Variants in DOK5 observed in about 807,000 individuals in gnomAD.
DOK5 encodes docking protein 5, also known as downstream of tyrosine kinase 5.
DOK5 carries 27 observed loss-of-function variants against 43.3 expected under a neutral mutation model. That is an observed-to-expected ratio of 0.62 (90% CI 0.46 to 0.86). DOK5 has a LOEUF of 0.86. DOK5 is among the 40% of genes least tolerant of loss of function. The pLI is 0.00. For missense variants in DOK5, 373 were observed against 392.9 expected, an observed-to-expected ratio of 0.95 and a Z score of 0.43; for synonymous variants, 146 against 140.1, an observed-to-expected ratio of 1.04 and a Z score of -0.30.
chr20:54,549,194 A>G (rs1455179912), intron 1 of DOK5, among the ~76,000 whole-genome samples: 1 of 152,178 alleles, frequency 6.6e-6, no homozygotes, highest in Non-Finnish European at 1.5e-5. Flanking sequence ...ACCTGAAAAC[A>G]TGGTAAAGAG....
At position 54,573,856 on chromosome 20, in the gene DOK5, A is replaced by T. The variant is rs1985372653; in HGVS notation, c.175-14627A>T. ...AAAGAGCTGCCCACTAGATAAGCAG[A>T]ACTTCAGTGTGCAGCTTTAATTCTT... On this transcript the variant is annotated intron_variant, in intron 2 of 7. Coordinates refer to ENST00000262593, the MANE Select transcript of DOK5 (RefSeq NM_018431.5). Among the ~76,000 whole-genome samples the T allele has an allele frequency of 2.6e-5, 4 of 152,160 alleles. No homozygotes were observed. In the South Asian group the frequency reaches 8.3e-4, roughly 32 times the overall value.
At chr20:54,550,090 A>AT (rs1984473405) in intron 1 of DOK5, among the ~76,000 whole-genome samples, 2 of 148,130 alleles carry the variant, frequency 1.4e-5, no homozygotes, top group East Asian at 4.2e-4. Flanking sequence ...CCTGAAAAGG[A>AT]TTTTGTGCTT....
At chr20:54,582,512 A>C (rs1985675750) in intron 2 of DOK5, among the ~76,000 whole-genome samples, 1 of 151,386 alleles carries the variant, frequency 6.6e-6, no homozygotes, top group South Asian at 2.1e-4. Context: ...CCATCTGATC[A>C]TGTGTATTTC....
chr20:54,646,248 G>GTTTTTTTTTTATTTTTTTT (rs1979416208), intron 7 of DOK5, among the ~76,000 whole-genome samples: 1 of 79,922 alleles, frequency 1.3e-5, no homozygotes, highest in African/African-American at 5.3e-5. Context: ...TGGTTATACT[G>GTTTTTTTTTTATTTTTTTT]TTTTTTTTTT....
At chr20:54,563,664 G>GT (rs76886127) in intron 2 of DOK5, among the ~76,000 whole-genome samples, 8,105 of 114,286 alleles carry the variant, frequency 0.071, 297 homozygotes, top group East Asian at 0.14. Context: ...TATTTGTCAG[G>GT]TTTTTTTTTT....
At chr20:54,490,810 G>A (rs936421302) in intron 1 of DOK5, among the ~76,000 whole-genome samples, 13 of 152,126 alleles carry the variant, frequency 8.5e-5, no homozygotes, top group Admixed American at 7.9e-4. Context: ...AGATGGTCTC[G>A]ATCTCTTGAC....
intron 1 of DOK5, among the ~76,000 whole-genome samples, chr20:54,527,809 G>A (rs1983629712): frequency 6.6e-6 from 1 of 152,228 alleles, no homozygotes; most frequent in South Asian, 2.1e-4. Flanking sequence ...TAGGGCTATG[G>A]ATATTAAGTG....
chr20:54,534,248 G>A (rs908735493), intron 1 of DOK5, among the ~76,000 whole-genome samples: 2 of 152,130 alleles, frequency 1.3e-5, no homozygotes, highest in Non-Finnish European at 2.9e-5. Context: ...GTGCAGTGGT[G>A]CAATCATGGC....
In DOK5 at chr20:54,551,973, A is replaced by G. The variant is rs1482758911; in HGVS notation, c.67-2960A>G. 3.3e-5 allele frequency among the ~76,000 whole-genome samples: 5 copies of G among 152,206 alleles called. No homozygotes were observed. In the East Asian group the frequency reaches 9.7e-4, roughly 29 times the overall value. Reference sequence around the variant, plus strand: ...CTCCAGAGTAGCTGGGACTACAGGCATGTGCCACCACTCCCAGCTAATTTT... The same window carrying G: ...CTCCAGAGTAGCTGGGACTACAGGCGTGTGCCACCACTCCCAGCTAATTTT... On this transcript the variant is annotated intron_variant, in intron 1 of 7. Transcript: ENST00000262593.
Position 54,489,398 on chromosome 20 carries a change from G to C in DOK5, c.66+13386G>C, listed in dbSNP as rs192396274. ...GAATAGTCTATATATAAGTAGTTTT[G>C]TGTGTGTGTGGGCTTGTGTGCATGT... On this transcript the variant is annotated intron_variant, in intron 1 of 7. Coordinates refer to ENST00000262593, the MANE Select transcript of DOK5 (RefSeq NM_018431.5). Among the ~76,000 whole-genome samples, 608 of 151,912 alleles carry C rather than the reference G, an allele frequency of 4.0e-3. 2 individuals are homozygous for C. Among genetic ancestry groups the C allele is most frequent in the African/African-American group, 0.014 (578 of 41,452 alleles).
intron 6 of DOK5, among the ~76,000 whole-genome samples, chr20:54,635,961 G>A (rs1376924083): frequency 6.6e-6 from 1 of 152,194 alleles, no homozygotes. Context: ...TAGAGGCTGG[G>A]AAGTCCAAGA....
At chr20:54,619,863 G>C (rs148283879) in intron 6 of DOK5, among the ~76,000 whole-genome samples, 1 of 152,286 alleles carries the variant, frequency 6.6e-6, no homozygotes, top group African/African-American at 2.4e-5. Context: ...AGGCATCAAA[G>C]AAATCATAGA....
At chr20:54,498,239 A>G (rs1982473293) in intron 1 of DOK5, among the ~76,000 whole-genome samples, 1 of 152,252 alleles carries the variant, frequency 6.6e-6, no homozygotes, top group African/African-American at 2.4e-5. Context: ...TGTCAGAGAC[A>G]GTGTAAATCT....
intron 6 of DOK5, among the ~76,000 whole-genome samples, chr20:54,630,540 C>T (rs1978516643): frequency 6.6e-6 from 1 of 152,096 alleles, no homozygotes; most frequent in African/African-American, 2.4e-5. Context: ...ATAAGGGTTG[C>T]TGATTTCCAA....
intron 7 of DOK5, among the ~76,000 whole-genome samples, chr20:54,646,246 C>CTTTTTTTTTTTTTTT (rs1234153656): frequency 6.2e-5 from 5 of 80,660 alleles, no homozygotes; most frequent in Non-Finnish European, 7.4e-5. Flanking sequence ...ACTGGTTATA[C>CTTTTTTTTTTTTTTT]TGTTTTTTTT....
chr20:54,619,581 C>T (rs765236276), intron 6 of DOK5, among the ~76,000 whole-genome samples: 2 of 152,172 alleles, frequency 1.3e-5, no homozygotes, highest in African/African-American at 2.4e-5. Context: ...CTGAGGGGGA[C>T]GTTCAGGCCC....
chr20:54,632,594 G>A (rs1375748905), intron 6 of DOK5, among the ~76,000 whole-genome samples: 1 of 152,134 alleles, frequency 6.6e-6, no homozygotes, highest in Non-Finnish European at 1.5e-5. Context: ...ATGAGCCTAG[G>A]GTCATGCAGC....
At chr20:54,604,978 G>C (rs1208664724) in intron 5 of DOK5, among the ~76,000 whole-genome samples, 2 of 147,306 alleles carry the variant, frequency 1.4e-5, no homozygotes, top group East Asian at 3.9e-4. Flanking sequence ...CTCCAGCCTG[G>C]GCAACAGAGC....
Position 54,610,417 on chromosome 20 carries a change from T to G in DOK5, c.629T>G (p.Ile210Ser), listed in dbSNP as rs774293795. The G allele has an allele frequency of 2.5e-6, 4 of 1,591,224 alleles. No homozygotes were observed. In the East Asian group the frequency reaches 9.1e-5, roughly 36 times the overall value. Reference protein sequence around the residue: ...RMCETGEGLFIFQTRDGEAIY... With the variant: ...RMCETGEGLFSFQTRDGEAIY... ...TGTGAGACTGGTGAAGGGCTGTTTA[T>G]CTTTCAGACCCGAGACGGGGAGGCC... The change falls in exon 6 of 8, where the codon ATC (isoleucine) becomes AGC (serine). Residue 210 changes from isoleucine to serine, a missense_variant. Transcript: ENST00000262593.
Sources: gnomAD v4.1 joint callset for allele counts (sites outside exome capture counted in the v4.1 genomes callset) on GRCh38, gnomAD v4.1.1 for gene constraint, MANE v1.5 for transcripts, NCBI Gene and HGNC (gene_info 2026-07-23, HGNC 2026-07-21) for gene names.